TULP4: variants seen among roughly 807,000 people sequenced by gnomAD.
TULP4 encodes TUB like protein 4, also known as tubby-related protein 4.
In TULP4, 16 loss-of-function variants were observed where a neutral mutation model predicts 129.0. The ratio of observed to expected loss-of-function variants is 0.12; its 90% CI spans 0.08 to 0.19. The LOEUF is 0.19. Ranked by LOEUF, TULP4 falls within the 10% of genes least tolerant of loss-of-function variation. TULP4 has a pLI of 1.00. For synonymous variants in TULP4, 998 were observed against 854.0 expected, an observed-to-expected ratio of 1.17 and a Z score of -2.94; for missense variants, 1,842 against 2,059.1, an observed-to-expected ratio of 0.89 and a Z score of 2.04.
intron 10 of TULP4, among the ~76,000 whole-genome samples, chr6:158,494,291 G>A (rs1780278039): frequency 6.6e-6 from 1 of 152,168 alleles, no homozygotes; most frequent in African/African-American, 2.4e-5. Flanking sequence ...TCCTTAAGGG[G>A]CTGTATTTTG....
In TULP4 at chr6:158,493,727, C is replaced by T. The variant is rs1173001677; in HGVS notation, c.1776+10C>T. The T allele has an allele frequency of 6.5e-7, 1 of 1,538,944 alleles. No individual in the cohort carries two copies. The highest frequency in any genetic ancestry group is 8.8e-7 in the Non-Finnish European group (1 of 1,142,784). On this transcript the variant is annotated intron_variant, in intron 10 of 13. Transcript: ENST00000367097. This position sits in a 1 kb window ranked among gnomAD's most constrained non-coding sequence, Gnocchi z 4.4. ...TGAAGACATCACTCAGGTAGGAGCCCCCAGTTACCCTGCCTTGCTCCCCTC... is the reference window on the plus strand; with the variant it reads ...TGAAGACATCACTCAGGTAGGAGCCTCCAGTTACCCTGCCTTGCTCCCCTC...
chr6:158,396,493 A>G (rs1777719777), intron 1 of TULP4, among the ~76,000 whole-genome samples: 1 of 152,210 alleles, frequency 6.6e-6, no homozygotes, highest in African/African-American at 2.4e-5. Flanking sequence ...TTAAGAAGGT[A>G]GTGTGGAGGA....
At chr6:158,382,466 CTT>C (rs773707964) in intron 1 of TULP4, among the ~76,000 whole-genome samples, 6 of 152,174 alleles carry the variant, frequency 3.9e-5, no homozygotes, top group Non-Finnish European at 7.3e-5. Flanking sequence ...GCTGTGTCCT[CTT>C]TGCTTTTTTG....
chr6:158,443,290 C>T (rs1000867863), intron 3 of TULP4, among the ~76,000 whole-genome samples: 1 of 151,704 alleles, frequency 6.6e-6, no homozygotes, highest in African/African-American at 2.4e-5. Flanking sequence ...CCAATTTTTG[C>T]ATTTTTAGTA....
chr6:158,477,203 A>G (rs1034727652), intron 6 of TULP4, among the ~76,000 whole-genome samples: 8 of 152,202 alleles, frequency 5.3e-5, no homozygotes, highest in African/African-American at 1.7e-4. Context: ...GTACAAAGAT[A>G]TAAGAGACAC....
At chr6:158,317,162 C>A (rs1328981351) in intron 1 of TULP4, among the ~76,000 whole-genome samples, 1 of 134,500 alleles carries the variant, frequency 7.4e-6, no homozygotes, top group Non-Finnish European at 1.6e-5. Flanking sequence ...CATGATTTTT[C>A]CACATTGCAT....
intron 3 of TULP4, among the ~76,000 whole-genome samples, chr6:158,435,098 G>A (rs968219660): frequency 7.2e-5 from 11 of 152,228 alleles, no homozygotes; most frequent in African/African-American, 2.4e-4. Flanking sequence ...AGCTCCTGCA[G>A]TGAGGCACAT....
rs146344253 is a variant in TULP4 at position 158,481,906 on chromosome 6, G to A, written c.1486+617G>A. ...GGGATCCTAGATTGTAAGCTTCAGAGGGAAGGGACTTTGTTCTTTTTTTGT... is the reference window on the plus strand; with the variant it reads ...GGGATCCTAGATTGTAAGCTTCAGAAGGAAGGGACTTTGTTCTTTTTTTGT... On this transcript the variant is annotated intron_variant, in intron 8 of 13. Transcript: ENST00000367097. 5.2e-3 allele frequency among the ~76,000 whole-genome samples: 795 copies of A among 152,314 alleles called. 6 individuals are homozygous for A. The highest frequency in any genetic ancestry group is 0.018 in the African/African-American group (745 of 41,558).
chr6:158,234,184 A>G (rs1423066849), intron 1 of TULP4, among the ~76,000 whole-genome samples: 1 of 152,248 alleles, frequency 6.6e-6, no homozygotes, highest in African/African-American at 2.4e-5. Context: ...AGCCTTGCAT[A>G]TGGAGCTCTA....
intron 2 of TULP4, among the ~76,000 whole-genome samples, chr6:158,416,027 G>A (rs1279621166): frequency 2.6e-5 from 4 of 152,226 alleles, no homozygotes; most frequent in African/African-American, 9.6e-5. Context: ...AACCACTGGT[G>A]TAAGTCCAAG....
chr6:158,443,211 T>C (rs2115107231), intron 3 of TULP4, among the ~76,000 whole-genome samples: 1 of 152,302 alleles, frequency 6.6e-6, no homozygotes, highest in African/African-American at 2.4e-5. Flanking sequence ...CTCGATCTCC[T>C]GACCTTGTGA....
intron 1 of TULP4, among the ~76,000 whole-genome samples, chr6:158,239,394 G>A (rs1247866602): frequency 1.5e-5 from 1 of 67,456 alleles, no homozygotes; most frequent in Non-Finnish European, 3.4e-5. Context: ...CGGACGGGGC[G>A]GCTGGCCGGG....
intron 1 of TULP4, among the ~76,000 whole-genome samples, chr6:158,266,592 T>C (rs1320962258): frequency 6.6e-6 from 1 of 152,102 alleles, no homozygotes; most frequent in East Asian, 1.9e-4. Context: ...AGTATATAGT[T>C]GGCTCTACAT....
At chr6:158,294,431 A>G (rs1187672640) in intron 1 of TULP4, among the ~76,000 whole-genome samples, 2 of 152,184 alleles carry the variant, frequency 1.3e-5, no homozygotes, top group Admixed American at 6.5e-5. Flanking sequence ...AAAGAAATGC[A>G]GAGTTCAGGA....
intron 5 of TULP4, among the ~76,000 whole-genome samples, chr6:158,452,618 G>A (rs1368603009): frequency 6.6e-6 from 1 of 152,188 alleles, no homozygotes; most frequent in East Asian, 1.9e-4. Flanking sequence ...CATCCCTAAG[G>A]CAGCAGATGG....
At chr6:158,233,499 T>C (rs2128439608) in intron 1 of TULP4, among the ~76,000 whole-genome samples, 2 of 152,358 alleles carry the variant, frequency 1.3e-5, no homozygotes, top group South Asian at 4.1e-4. Context: ...GTTGAAGTTC[T>C]TGCAGACAAA....
At chr6:158,309,807 C>G (rs947463051), upstream of TULP4, among the ~76,000 whole-genome samples, 7 of 151,086 alleles carry the variant, frequency 4.6e-5, no homozygotes, top group Non-Finnish European at 1.0e-4. Context: ...GAGAATCAGG[C>G]AGGGAGGTTG....
In TULP4 at chr6:158,377,953, G is replaced by C. The variant is rs182055409; in HGVS notation, c.253-35112G>C. Among the ~76,000 whole-genome samples, 131 of 152,278 alleles carry C rather than the reference G, an allele frequency of 8.6e-4. 1 individual carries two copies. The highest frequency in any genetic ancestry group is 2.2e-4 in the Non-Finnish European group (15 of 68,028). On this transcript the variant is annotated intron_variant, in intron 1 of 13. Coordinates refer to ENST00000367097, the MANE Select transcript of TULP4 (RefSeq NM_020245.5). Reference sequence around the variant, plus strand: ...TAGGCGGTTCTTACACTCTCAGCTAGACTCAGTTATGTGTCTGGTCAGCTG... The same window carrying C: ...TAGGCGGTTCTTACACTCTCAGCTACACTCAGTTATGTGTCTGGTCAGCTG...
Position 158,372,437 on chromosome 6 carries a change from G to A in TULP4, c.253-40628G>A, listed in dbSNP as rs1448720272. On this transcript the variant is annotated intron_variant, in intron 1 of 13. Transcript: ENST00000367097. The stretch of plus-strand genomic sequence containing the variant: ...AGACTTACTGAGTTATGTAATAGCA[G>A]AAATATCATTGTTGATTTTGTGACA... Among the ~76,000 whole-genome samples, 6 of 152,072 alleles carry A rather than the reference G, an allele frequency of 3.9e-5. No individual in the cohort carries two copies. The East Asian group carries it at 7.7e-4, about 20-fold the overall frequency.
Sources: gnomAD v4.1 joint callset for allele counts (sites outside exome capture counted in the v4.1 genomes callset) on GRCh38, gnomAD v4.1.1 for gene constraint, Gnocchi (gnomAD v3.1) non-coding constraint, MANE v1.5 for transcripts, NCBI Gene and HGNC (gene_info 2026-07-23, HGNC 2026-07-21) for gene names.